The following ANK3 variants were observed in gnomAD, a reference collection of about 807,000 sequenced individuals.
ANK3 encodes ankyrin 3.
A neutral mutation model predicts 370.9 loss-of-function variants in ANK3; 57 were observed. The observed-to-expected ratio is 0.15, with a 90% CI of 0.12 to 0.19. The LOEUF is 0.19. Ranked by LOEUF, ANK3 falls within the 10% of genes least tolerant of loss-of-function variation. ANK3 has a pLI of 1.00. For synonymous variants in ANK3, 1,929 were observed against 1,946.3 expected (o/e 0.99, Z 0.23); for missense variants, 4,439 against 5,302.1 (o/e 0.84, Z 5.06).
rs35974681 is a variant in ANK3, at chr10:60,648,158, C to CTTTTT, written c.58-32939_58-32935dup. Among the ~76,000 whole-genome samples, 21 of 101,578 alleles carry CTTTTT rather than the reference C, an allele frequency of 2.1e-4. 2 individuals are homozygous for CTTTTT. Among genetic ancestry groups the CTTTTT allele is most frequent in the African/African-American group, 6.7e-4 (17 of 25,376 alleles). 66.6% of individuals were successfully genotyped at this position (101,578 alleles called of 152,430 possible). A position where few individuals can be genotyped will look rare whatever the true frequency, so the allele number is the denominator to read the frequency against. ...CTGCGGCCAGCCTCTTTTTTTTTTC[C>CTTTTT]TTTTTTTTTTTTGAGATGGAGTCTC... is the stretch of plus-strand genomic sequence containing the variant. On this transcript the variant is annotated intron_variant, in intron 1 of 43. Coordinates refer to the ANK3 transcript ENST00000373827.
intron 1 of ANK3, among the ~76,000 whole-genome samples, chr10:60,331,243 T>G (rs749354540): frequency 1.4e-5 from 2 of 147,026 alleles, no homozygotes; most frequent in Non-Finnish European, 3.0e-5. Context: ...TCTGCACATT[T>G]ATCTTAGAAC....
At chr10:60,518,773 G>A (rs1361488108) in intron 2 of ANK3, among the ~76,000 whole-genome samples, 1 of 150,336 alleles carries the variant, frequency 6.7e-6, no homozygotes, top group Non-Finnish European at 1.5e-5. Flanking sequence ...GACTACCAAG[G>A]GCTTGAATAC....
chr10:60,267,883 A>C (rs2097904985), intron 5 of ANK3, among the ~76,000 whole-genome samples: 1 of 152,214 alleles, frequency 6.6e-6, no homozygotes, highest in African/African-American at 2.4e-5. Flanking sequence ...CTTAACCAAC[A>C]GTCTCTGCCT....
rs190612507 is a variant in ANK3, at chr10:60,584,621, T to G, written c.96+30565A>C. Among the ~76,000 whole-genome samples, 77 of 152,102 alleles carry G rather than the reference T, an allele frequency of 5.1e-4. 1 individual carries two copies. Among genetic ancestry groups the G allele is most frequent in the Admixed American group, 1.2e-3 (19 of 15,274 alleles). ...AATAGAGCAAGACCCCATCTCCTAA[T>G]GAAAACAACAACAACAACAAAAATG... On this transcript the variant is annotated intron_variant, in intron 2 of 43. Coordinates refer to the ANK3 transcript ENST00000373827.
At chr10:60,359,037 C>T (rs913266339) in intron 1 of ANK3, among the ~76,000 whole-genome samples, 3 of 152,092 alleles carry the variant, frequency 2.0e-5, no homozygotes, top group Admixed American at 2.0e-4. Context: ...TTATTGTTCA[C>T]ATGTTGATTG....
At chr10:60,545,358 G>A (rs1353533358) in intron 2 of ANK3, among the ~76,000 whole-genome samples, 1 of 151,946 alleles carries the variant, frequency 6.6e-6, no homozygotes, top group African/African-American at 2.4e-5. Flanking sequence ...ATGTATCTCT[G>A]GGGAGCATAT....
intron 7 of ANK3, among the ~76,000 whole-genome samples, chr10:60,244,324 TATC>T (rs1483613485): frequency 6.6e-6 from 1 of 152,198 alleles, no homozygotes; most frequent in Non-Finnish European, 1.5e-5. Context: ...TGGGAGAGGT[TATC>T]ATTAAGGGAA....
intron 2 of ANK3, among the ~76,000 whole-genome samples, chr10:60,523,483 A>G (rs146361102): frequency 0.071 from 10,492 of 147,110 alleles, 484 homozygotes; most frequent in South Asian, 0.18. Context: ...GAGTGAGAAC[A>G]TGCGGTGTTT....
intron 1 of ANK3, among the ~76,000 whole-genome samples, chr10:60,706,550 A>G (rs2079621642): frequency 1.3e-5 from 2 of 152,048 alleles, no homozygotes; most frequent in Non-Finnish European, 1.5e-5. Flanking sequence ...AAAATCAGGC[A>G]GAAGCCCCTC....
At chr10:60,568,276 A>T (rs947761585) in intron 2 of ANK3, among the ~76,000 whole-genome samples, 2 of 152,162 alleles carry the variant, frequency 1.3e-5, no homozygotes, top group Non-Finnish European at 2.9e-5. Context: ...TGCCACAGCC[A>T]CCCCAACCTT....
chr10:60,386,189 CTCTA>C (rs1195851927), intron 1 of ANK3, among the ~76,000 whole-genome samples: 1 of 152,070 alleles, frequency 6.6e-6, no homozygotes, highest in African/African-American at 2.4e-5. Context: ...CCCAAAGGCA[CTCTA>C]TCTACTTTTG....
At chr10:60,184,010 T>C (rs767519453) in intron 17 of ANK3, among the ~76,000 whole-genome samples, 6 of 152,058 alleles carry the variant, frequency 3.9e-5, no homozygotes, top group South Asian at 2.1e-4. Context: ...AAAAGCAAAA[T>C]TGAATCAAAT....
intron 1 of ANK3, among the ~76,000 whole-genome samples, chr10:60,376,974 G>T (rs918369393): frequency 2.6e-5 from 4 of 152,308 alleles, no homozygotes; most frequent in Middle Eastern, 3.4e-3. Flanking sequence ...GTAAAACAGG[G>T]ATCGTTAACA....
chr10:60,263,682 C>T (rs1184247964), intron 6 of ANK3, among the ~76,000 whole-genome samples, 153 bp downstream of exon 6: 4 of 152,156 alleles, frequency 2.6e-5, no homozygotes, highest in African/African-American at 9.7e-5. Flanking sequence ...GGAGGCTGTG[C>T]CTTCAGTGGC....
intron 8 of ANK3, among the ~76,000 whole-genome samples, chr10:60,225,297 C>A (rs1044552843): frequency 2.6e-5 from 4 of 152,136 alleles, no homozygotes; most frequent in African/African-American, 9.6e-5. Context: ...ATCGAGATAG[C>A]CTAAGAGGTG....
chr10:60,422,059 T>C (rs575375570), intron 2 of ANK3, among the ~76,000 whole-genome samples: 3 of 152,108 alleles, frequency 2.0e-5, no homozygotes, highest in East Asian at 1.9e-4. Flanking sequence ...AATTTGAACA[T>C]GGCTTGAGTT....
At chr10:60,324,046 T>C (rs760737253) in intron 1 of ANK3, among the ~76,000 whole-genome samples, 3 of 152,068 alleles carry the variant, frequency 2.0e-5, no homozygotes, top group Non-Finnish European at 4.4e-5. Context: ...AACATCTGAC[T>C]ATAAAGAGGG....
intron 2 of ANK3, among the ~76,000 whole-genome samples, chr10:60,592,650 G>A (rs530539605): frequency 6.6e-6 from 1 of 152,304 alleles, no homozygotes; most frequent in Admixed American, 6.5e-5. Context: ...TGTAATCCCA[G>A]CTACTCGGGA....
intron 1 of ANK3, among the ~76,000 whole-genome samples, chr10:60,675,772 G>C (rs2079116756): frequency 6.6e-6 from 1 of 152,152 alleles, no homozygotes; most frequent in Non-Finnish European, 1.5e-5. Context: ...AAAAGAGGCA[G>C]TATCACATTC....
Sources: gnomAD v4.1 joint callset for allele counts (sites outside exome capture counted in the v4.1 genomes callset) on GRCh38, gnomAD v4.1.1 for gene constraint, MANE v1.5 for transcripts, NCBI Gene and HGNC (gene_info 2026-07-23, HGNC 2026-07-21) for gene names.